The following LRP1B variants were observed in gnomAD, a reference collection of about 807,000 sequenced individuals.
LRP1B encodes LDL receptor related protein 1B, also known as low-density lipoprotein receptor-related protein 1B.
Under a neutral mutation model 556.6 loss-of-function variants are expected in LRP1B, and 217 were observed. The ratio of observed to expected loss-of-function variants is 0.39; its 90% CI spans 0.35 to 0.44. LRP1B has a LOEUF of 0.44. Among genes scored for constraint, LRP1B ranks in the 20% least tolerant of loss-of-function variants. The pLI is 1.00. For missense variants in LRP1B, 5,053 were observed against 5,620.8 expected, an observed-to-expected ratio of 0.90 and a Z score of 3.23; for synonymous variants, 2,047 against 1,865.8, an observed-to-expected ratio of 1.10 and a Z score of -2.50.
intron 72 of LRP1B, 59 bp from the exon 73 acceptor site, chr2:140,359,005 C>T (rs2105138978): frequency 2.0e-6 from 3 of 1,504,844 alleles, no homozygotes; most frequent in Non-Finnish European, 2.7e-6. Context: ...TTATGAAGAA[C>T]ATTCTTCCTT....
intron 43 of LRP1B, among the ~76,000 whole-genome samples, chr2:140,552,209 A>G (rs1272250390): frequency 1.3e-5 from 2 of 152,152 alleles, no homozygotes; most frequent in African/African-American, 4.8e-5. Flanking sequence ...CTAGTATCGT[A>G]TTACAGACTA....
intron 66 of LRP1B, among the ~76,000 whole-genome samples, chr2:140,416,026 G>A (rs904891878): frequency 6.6e-6 from 1 of 152,178 alleles, no homozygotes; most frequent in Admixed American, 6.5e-5. Flanking sequence ...GGCCATGGAT[G>A]AGTACTGATT....
intron 2 of LRP1B, among the ~76,000 whole-genome samples, chr2:141,793,778 T>C (rs1695703446): frequency 6.6e-6 from 1 of 151,928 alleles, no homozygotes; most frequent in Non-Finnish European, 1.5e-5. Flanking sequence ...TCAGTTAAAA[T>C]TAAGTTAGAA....
chr2:140,748,092 A>AATATAT (rs757456196), intron 35 of LRP1B, among the ~76,000 whole-genome samples: 6 of 6,942 alleles, frequency 8.6e-4, no homozygotes, highest in African/African-American at 3.2e-3. Context: ...AAGTCCTATG[A>AATATAT]ATATATATAT....
chr2:141,975,439 T>C (rs1457050226), intron 1 of LRP1B, among the ~76,000 whole-genome samples: 1 of 151,924 alleles, frequency 6.6e-6, no homozygotes, highest in African/African-American at 2.4e-5. Context: ...CTGCAGCTGG[T>C]CTCAATTTTC....
At chr2:141,221,076 C>T (rs1351474621) in intron 6 of LRP1B, among the ~76,000 whole-genome samples, 5 of 151,946 alleles carry the variant, frequency 3.3e-5, no homozygotes, top group African/African-American at 1.2e-4. Context: ...AGTAAATGGG[C>T]CAAATGCCCC....
intron 79 of LRP1B, among the ~76,000 whole-genome samples, chr2:140,330,361 G>T (rs973391635): frequency 2.6e-5 from 4 of 151,732 alleles, no homozygotes; most frequent in Non-Finnish European, 5.9e-5. Context: ...AAAAGCTATG[G>T]TACTGGTACA....
intron 2 of LRP1B, among the ~76,000 whole-genome samples, chr2:141,759,192 C>CT (rs1694434575): frequency 6.6e-6 from 1 of 151,912 alleles, no homozygotes; most frequent in South Asian, 2.1e-4. Flanking sequence ...TAAAAAGAGA[C>CT]TGAGATAAAA....
chr2:142,014,418 T>C (rs930973794), intron 1 of LRP1B, among the ~76,000 whole-genome samples: 2 of 152,096 alleles, frequency 1.3e-5, no homozygotes, highest in Non-Finnish European at 2.9e-5. Flanking sequence ...TCATGAATCA[T>C]GAGAGGAAAG....
intron 66 of LRP1B, among the ~76,000 whole-genome samples, chr2:140,399,011 C>A (rs59982045): frequency 0.031 from 4,783 of 152,070 alleles, 84 homozygotes; most frequent in South Asian, 0.067. Context: ...ATAATAAATT[C>A]AGTTGAGAAT....
chr2:141,748,765 A>G (rs1207497731), intron 2 of LRP1B, among the ~76,000 whole-genome samples: 1 of 152,224 alleles, frequency 6.6e-6, no homozygotes, highest in Non-Finnish European at 1.5e-5. Flanking sequence ...CTTCCAAAGC[A>G]GAAGGCTCTG....
At chr2:141,748,926 C>A (rs529246786) in intron 2 of LRP1B, among the ~76,000 whole-genome samples, 8 of 152,098 alleles carry the variant, frequency 5.3e-5, no homozygotes, top group Non-Finnish European at 7.4e-5. Flanking sequence ...TAAGGGGCTG[C>A]TATACTCTTC....
chr2:140,545,792 G>C (rs992691658), intron 43 of LRP1B, among the ~76,000 whole-genome samples: 7 of 151,974 alleles, frequency 4.6e-5, no homozygotes, highest in African/African-American at 1.4e-4. Flanking sequence ...CTAGCTCTAG[G>C]AAGAATTTCA....
At chr2:141,663,225 C>A (rs1317720139) in intron 2 of LRP1B, among the ~76,000 whole-genome samples, 1 of 151,902 alleles carries the variant, frequency 6.6e-6, no homozygotes, top group Non-Finnish European at 1.5e-5. Context: ...ATGCCCCCAT[C>A]AAAATGCTAG....
chr2:140,252,062 C>CAAAAAAAAAAAAAAAAAAAAAAAAA lies in LRP1B; in HGVS notation c.13248-4925_13248-4901dup. On this transcript the variant is annotated intron_variant, in intron 86 of 90. Transcript: ENST00000389484. ...TTGCAGATAGTAGCATGACAAGATG[C>CAAAAAAAAAAAAAAAAAAAAAAAAA]AAAAAAAAAAAAAAAAAAAAAAAAA... is the stretch of plus-strand genomic sequence containing the variant. 1.5e-3 allele frequency among the ~76,000 whole-genome samples: 27 copies of CAAAAAAAAAAAAAAAAAAAAAAAAA among 18,554 alleles called. 1 individual carries two copies. The highest frequency in any genetic ancestry group is 2.0e-3 in the Non-Finnish European group (24 of 12,202). The allele number at this position is 18,554 out of a possible 152,430, so 12.2% of individuals were successfully genotyped here. A position where few individuals can be genotyped will look rare whatever the true frequency, so the allele number is the denominator to read the frequency against.
chr2:140,502,915 C>T (rs938589962), intron 54 of LRP1B, 48 bp downstream of exon 54: 1 of 1,585,018 alleles, frequency 6.3e-7, no homozygotes, highest in Non-Finnish European at 8.6e-7. Context: ...ACAATTTTTC[C>T]ATTGAAAACA....
chr2:141,612,829 G>A (rs1288571999), intron 2 of LRP1B, among the ~76,000 whole-genome samples: 1 of 152,146 alleles, frequency 6.6e-6, no homozygotes, highest in Admixed American at 6.5e-5. Context: ...CAGAGAGACA[G>A]TCTCGCTCTG....
chr2:140,637,995 C>T (rs1030207373), intron 41 of LRP1B, among the ~76,000 whole-genome samples: 1 of 152,118 alleles, frequency 6.6e-6, no homozygotes, highest in Admixed American at 6.5e-5. Flanking sequence ...CAAAAAGATA[C>T]CTGGATCATA....
At chr2:140,291,062 ATG>A (rs1361719988) in intron 84 of LRP1B, among the ~76,000 whole-genome samples, 5 of 151,826 alleles carry the variant, frequency 3.3e-5, no homozygotes, top group African/African-American at 1.2e-4. Flanking sequence ...AGATAAAATA[ATG>A]TGTCATAGCA....
Sources: gnomAD v4.1 joint callset for allele counts (sites outside exome capture counted in the v4.1 genomes callset) on GRCh38, gnomAD v4.1.1 for gene constraint, MANE v1.5 for transcripts, NCBI Gene and HGNC (gene_info 2026-07-23, HGNC 2026-07-21) for gene names.